CDH6: variants seen among roughly 807,000 people sequenced by gnomAD.
CDH6 encodes cadherin 6.
A neutral mutation model predicts 78.0 loss-of-function variants in CDH6; 31 were observed. The observed-to-expected ratio is 0.40, with a 90% CI of 0.30 to 0.54. The LOEUF is 0.54. Ranked by LOEUF, CDH6 falls within the 20% of genes least tolerant of loss-of-function variation. The pLI, the probability that CDH6 is intolerant of heterozygous loss-of-function variation, is 0.56. For synonymous variants in CDH6, 376 were observed against 368.8 expected (o/e 1.02, Z -0.23); for missense variants, 724 against 975.9 (o/e 0.74, Z 3.44).
At chr5:31,292,624 C>T (rs773248323) in intron 2 of CDH6, among the ~76,000 whole-genome samples, 7 of 151,872 alleles carry the variant, frequency 4.6e-5, no homozygotes, top group Admixed American at 2.0e-4. Context: ...CCCACTAACA[C>T]TAACTTCTCT....
chr5:31,293,744 C>G (rs1012015380), intron 2 of CDH6, among the ~76,000 whole-genome samples: 1 of 151,742 alleles, frequency 6.6e-6, no homozygotes, highest in African/African-American at 2.4e-5. Flanking sequence ...CTCCCAAACT[C>G]TGTTCCAGTT....
intron 6 of CDH6, among the ~76,000 whole-genome samples, chr5:31,302,794 GAGAGAGAAAGAAAGAAAGA>G (rs1737821109): frequency 2.8e-5 from 1 of 36,360 alleles, no homozygotes; most frequent in African/African-American, 7.1e-5. Context: ...GAGAGAGAGA[GAGAGAGAAAGAAAGAAAGA>G]AAGAAAGAAA....
rs1738273377 is a variant in CDH6 at position 31,314,927 on chromosome 5, G to C, written c.1391-1281G>C. ...CTCTAACTTTCAAAGAATAATATGA[G>C]TAAAATTTTAGACATTTTAAAGAAT... On this transcript the variant is annotated intron_variant, in intron 8 of 11. Coordinates refer to ENST00000265071, the MANE Select transcript of CDH6 (RefSeq NM_004932.4). Among the ~76,000 whole-genome samples, 3 of 152,108 alleles carry C rather than the reference G, an allele frequency of 2.0e-5. No individual in the cohort carries two copies. The South Asian group carries it at 6.2e-4, about 32-fold the overall frequency.
intron 1 of CDH6, among the ~76,000 whole-genome samples, chr5:31,245,557 T>C (rs1432879454): frequency 6.6e-6 from 1 of 152,220 alleles, no homozygotes; most frequent in Non-Finnish European, 1.5e-5. Flanking sequence ...TTAAGAGGCT[T>C]GCTGGCTAAC....
At chr5:31,208,381 C>T (rs113365703) in intron 1 of CDH6, among the ~76,000 whole-genome samples, 72 of 152,266 alleles carry the variant, frequency 4.7e-4, no homozygotes, top group African/African-American at 1.6e-3. Flanking sequence ...CCCTGGACCC[C>T]GGACATCCTC....
At chr5:31,286,088 T>A (rs985903477) in intron 2 of CDH6, among the ~76,000 whole-genome samples, 2 of 152,214 alleles carry the variant, frequency 1.3e-5, no homozygotes, top group Admixed American at 6.5e-5. Flanking sequence ...ATCATTGATA[T>A]CTTATCCAAT....
At chr5:31,206,153 T>A (rs201861243) in intron 1 of CDH6, among the ~76,000 whole-genome samples, 4 of 151,402 alleles carry the variant, frequency 2.6e-5, no homozygotes, top group African/African-American at 9.7e-5. Flanking sequence ...GATAGATAGA[T>A]GATAGAATAG....
rs543172071 is a variant in CDH6, at chr5:31,228,118, G to C, written c.-129+34232G>C. Among the ~76,000 whole-genome samples the C allele has an allele frequency of 2.6e-4, 40 of 152,202 alleles. 1 individual carries two copies. The South Asian group carries it at 8.3e-3, about 32-fold the overall frequency. The stretch of plus-strand genomic sequence containing the variant: ...CGCCATTTTCAAAGCCAACAGTGTA[G>C]CATGTTTAAATCTCTCTCTCTTTGT... On this transcript the variant is annotated intron_variant, in intron 1 of 11. Transcript: ENST00000265071.
At chr5:31,256,169 A>AT (rs1253158027) in intron 1 of CDH6, among the ~76,000 whole-genome samples, 6 of 151,842 alleles carry the variant, frequency 4.0e-5, no homozygotes, top group South Asian at 2.1e-4. Context: ...TTATTCATAC[A>AT]TTTTTTTTCA....
intron 2 of CDH6, among the ~76,000 whole-genome samples, chr5:31,272,738 A>G (rs1283321855): frequency 1.3e-5 from 2 of 152,226 alleles, no homozygotes; most frequent in East Asian, 1.9e-4. Context: ...CACACAATGT[A>G]TACATAAGAC....
At position 31,268,170 on chromosome 5, in the gene CDH6, T is replaced by C. The variant is rs571268801; in HGVS notation, c.228+469T>C. ...GCTACCTATAGAACCATCCATTCTC[T>C]GGCCAAATGGAGCCCTTTGCTGTCA... On this transcript the variant is annotated intron_variant, in intron 2 of 11. Transcript: ENST00000265071. Among the ~76,000 whole-genome samples the C allele has an allele frequency of 6.5e-4, 99 of 152,316 alleles. 1 individual carries two copies. The highest frequency in any genetic ancestry group is 2.3e-3 in the African/African-American group (94 of 41,584).
chr5:31,311,381 A>G (rs1371459187), intron 7 of CDH6, among the ~76,000 whole-genome samples: 1 of 152,194 alleles, frequency 6.6e-6, no homozygotes, highest in Non-Finnish European at 1.5e-5. Context: ...TATCATTGTC[A>G]GCATTTTGGT....
intron 3 of CDH6, among the ~76,000 whole-genome samples, chr5:31,295,879 C>T (rs1192205298): frequency 4.6e-5 from 7 of 152,072 alleles, no homozygotes; most frequent in South Asian, 2.1e-4. Flanking sequence ...TATCTGGCAA[C>T]GAATAGACAT....
intron 7 of CDH6, among the ~76,000 whole-genome samples, chr5:31,310,065 A>T (rs899696785): frequency 2.0e-5 from 3 of 152,250 alleles, no homozygotes; most frequent in Non-Finnish European, 4.4e-5. Context: ...AACTCATCCC[A>T]GCATTAACTC....
intron 7 of CDH6, among the ~76,000 whole-genome samples, chr5:31,310,692 C>T (rs75370447): frequency 0.023 from 3,560 of 152,340 alleles, 135 homozygotes; most frequent in African/African-American, 0.082. Flanking sequence ...CAACTTCTTG[C>T]CTTCTGCACA....
intron 1 of CDH6, among the ~76,000 whole-genome samples, chr5:31,256,357 C>A (rs943061511): frequency 6.6e-6 from 1 of 152,158 alleles, no homozygotes; most frequent in Non-Finnish European, 1.5e-5. Context: ...GGGTCTGTAA[C>A]TGAGCTGGCC....
At position 31,305,303 on chromosome 5, in the gene CDH6, G is replaced by A. The variant is rs1189792556; in HGVS notation, c.1129G>A (p.Val377Ile). Residue 377 changes from valine to isoleucine, a missense_variant, in exon 7 of 12, where the codon GTA becomes ATA. Physicochemically the swap from Val to Ile is conservative, Grantham distance 29 (BLOSUM62 3). Around this residue, in one of 3 missense-constraint regions of CDH6, gnomAD observed 446 missense variants for 684.5 expected, o/e 0.65. Transcript: ENST00000265071. ...SATVRIVVED[V>I]DEPPVFSKLA... ...CACGGTTAGAATTGTGGTGGAGGAT[G>A]TAGATGAGCCACCTGTCTTCAGCAA... is the stretch of plus-strand genomic sequence containing the variant. The A allele has an allele frequency of 1.2e-6, 2 of 1,614,052 alleles. No individual in the cohort carries two copies. The highest frequency in any genetic ancestry group is 1.7e-6 in the Non-Finnish European group (2 of 1,180,020).
At chr5:31,229,815 G>A (rs56132637) in intron 1 of CDH6, among the ~76,000 whole-genome samples, 105 of 152,300 alleles carry the variant, frequency 6.9e-4, no homozygotes, top group Non-Finnish European at 1.2e-3. Context: ...GGATTATTAA[G>A]GAGCAGCATA....
At chr5:31,296,835 C>T (rs897033505) in intron 3 of CDH6, among the ~76,000 whole-genome samples, 8 of 152,122 alleles carry the variant, frequency 5.3e-5, no homozygotes, top group Non-Finnish European at 1.0e-4. Flanking sequence ...ATAGCTGCTG[C>T]AAATGTATAT....
Sources: gnomAD v4.1 joint callset for allele counts (sites outside exome capture counted in the v4.1 genomes callset) on GRCh38, gnomAD v4.1.1 for gene constraint, gnomAD v4.1.1 regional missense constraint, MANE v1.5 for transcripts, NCBI Gene and HGNC (gene_info 2026-07-23, HGNC 2026-07-21) for gene names.